The following COLEC10 variants were observed in gnomAD, a reference collection of about 807,000 sequenced individuals.
The protein encoded by COLEC10 is collectin subfamily member 10, also known as collectin-10.
A neutral mutation model predicts 28.4 loss-of-function variants in COLEC10; 22 were observed. The ratio of observed to expected loss-of-function variants is 0.78; its 90% CI spans 0.55 to 1.11. The LOEUF (loss-of-function observed/expected upper bound fraction) is 1.11, where lower values mean the gene tolerates loss of function less well. Among genes scored for constraint, COLEC10 ranks in the 50% least tolerant of loss-of-function variants. The probability of loss-of-function intolerance (pLI) is 0.00; values close to 1 mark genes in which losing one functional copy is unlikely to be tolerated. For missense variants in COLEC10, 361 were observed against 344.1 expected (o/e 1.05, Z -0.39); for synonymous variants, 125 against 116.1 (o/e 1.08, Z -0.49).
intron 1 of COLEC10, among the ~76,000 whole-genome samples, chr8:119,073,853 G>A (rs986486502): frequency 6.6e-5 from 10 of 151,692 alleles, no homozygotes; most frequent in African/African-American, 2.4e-4. Context: ...ATAGTAATAT[G>A]CATTTATATG....
chr8:119,034,423 A>T (rs1814351021), intron 2 of COLEC10, among the ~76,000 whole-genome samples: 1 of 152,068 alleles, frequency 6.6e-6, no homozygotes, highest in South Asian at 2.1e-4. Context: ...TTTAAAAAAA[A>T]AAAAAAAGGC....
chr8:119,034,437 G>A (rs1436754157), intron 2 of COLEC10, among the ~76,000 whole-genome samples: 2 of 151,770 alleles, frequency 1.3e-5, no homozygotes, highest in South Asian at 2.1e-4. Flanking sequence ...AAAAGGCCAG[G>A]TGCGGTGGCT....
At chr8:119,047,913 C>T (rs990590126) in intron 2 of COLEC10, among the ~76,000 whole-genome samples, 6 of 152,106 alleles carry the variant, frequency 3.9e-5, no homozygotes, top group African/African-American at 1.4e-4. Context: ...AACCCCCAAT[C>T]CTTGGGTACT....
chr8:119,027,808 ACTCC>A (rs1201752386), intron 2 of COLEC10, among the ~76,000 whole-genome samples: 1 of 152,016 alleles, frequency 6.6e-6, no homozygotes, highest in Non-Finnish European at 1.5e-5. Flanking sequence ...TGGAAGAATT[ACTCC>A]CTCTCTCCTC....
At chr8:119,004,815 C>A (rs971607727) in intron 1 of COLEC10, among the ~76,000 whole-genome samples, 2 of 151,760 alleles carry the variant, frequency 1.3e-5, no homozygotes, top group Non-Finnish European at 2.9e-5. Flanking sequence ...AAACTCAAAC[C>A]CAGGCCATTG....
chr8:119,022,141 A>C (rs1814109750), intron 2 of COLEC10, among the ~76,000 whole-genome samples: 1 of 152,174 alleles, frequency 6.6e-6, no homozygotes, highest in Admixed American at 6.6e-5. Context: ...TGAAAGCTGT[A>C]ACTGTCAGGA....
At chr8:118,953,160 C>G in the COLEC10 span, among the ~76,000 whole-genome samples, 1 of 152,168 alleles carries the variant, frequency 6.6e-6, no homozygotes, top group East Asian at 1.9e-4. Flanking sequence ...CTGTTCCATC[C>G]TGCAAATTAC....
At chr8:118,996,628 A>G (rs1000778131) in intron 1 of COLEC10, among the ~76,000 whole-genome samples, 2 of 152,154 alleles carry the variant, frequency 1.3e-5, no homozygotes, top group African/African-American at 2.4e-5. Context: ...GCATCTTTTC[A>G]TATACCTGTT....
chr8:119,016,553 T>C (rs1813994744), intron 2 of COLEC10, among the ~76,000 whole-genome samples: 1 of 152,146 alleles, frequency 6.6e-6, no homozygotes. Context: ...GTAATGGGAT[T>C]GCTGGGTCAA....
At chr8:118,990,387 G>A in the COLEC10 span, among the ~76,000 whole-genome samples, 18 of 152,130 alleles carry the variant, frequency 1.2e-4, no homozygotes, top group Non-Finnish European at 2.1e-4. Flanking sequence ...ACATTCATGT[G>A]TAGCTGATAC....
intron 1 of COLEC10, 74 bp downstream of exon 1, chr8:119,067,503 A>C: frequency 1.4e-6 from 2 of 1,387,298 alleles, no homozygotes; most frequent in Non-Finnish European, 2.0e-6. Flanking sequence ...CCCTTCCTAG[A>C]TTTCAATGAC....
At chr8:119,003,385 C>T (rs761834150) in intron 1 of COLEC10, among the ~76,000 whole-genome samples, 1 of 151,910 alleles carries the variant, frequency 6.6e-6, no homozygotes, top group Admixed American at 6.6e-5. Flanking sequence ...TGGTTTGGCC[C>T]CCAAATGGCA....
the COLEC10 span, among the ~76,000 whole-genome samples, chr8:118,979,721 C>T: frequency 6.6e-6 from 1 of 151,922 alleles, no homozygotes; most frequent in Non-Finnish European, 1.5e-5. Flanking sequence ...TATAAATATA[C>T]AAGAATGGAT....
intron 2 of COLEC10, among the ~76,000 whole-genome samples, chr8:119,032,570 C>T (rs1814308463): frequency 6.6e-6 from 1 of 152,142 alleles, no homozygotes; most frequent in South Asian, 2.1e-4. Flanking sequence ...GGAATGAGGA[C>T]CATCTCTGTG....
At chr8:119,024,411 T>C (rs1343057956) in intron 2 of COLEC10, among the ~76,000 whole-genome samples, 2 of 152,144 alleles carry the variant, frequency 1.3e-5, no homozygotes, top group East Asian at 3.9e-4. Flanking sequence ...AGTCCCCTTA[T>C]AAGGCATAAG....
chr8:119,097,731 A>ACTT (rs1454505133), intron 3 of COLEC10, among the ~76,000 whole-genome samples: 2 of 152,178 alleles, frequency 1.3e-5, no homozygotes, highest in African/African-American at 4.8e-5. Context: ...GGGATGTTGG[A>ACTT]CTTCAAAATT....
rs1401802819 is a variant in COLEC10, at chr8:119,107,129, A to C, written c.*938A>C. Reference sequence around the variant, plus strand: ...AAGGAGTTTGTGAAGCCTTAAGAAAATTCTGGAAGCTTCAAAGTGCTACCA... The same window carrying C: ...AAGGAGTTTGTGAAGCCTTAAGAAACTTCTGGAAGCTTCAAAGTGCTACCA... On this transcript the variant is annotated 3_prime_UTR_variant, in exon 6 of 6. Coordinates refer to ENST00000332843, the MANE Select transcript of COLEC10 (RefSeq NM_006438.5). Among the ~76,000 whole-genome samples, 1 of 152,190 alleles carries C rather than the reference A, an allele frequency of 6.6e-6. No individual in the cohort carries two copies. The highest frequency in any genetic ancestry group is 1.5e-5 in the Non-Finnish European group (1 of 68,034).
chr8:119,017,916 G>A (rs1464870528), intron 2 of COLEC10, among the ~76,000 whole-genome samples: 1 of 152,150 alleles, frequency 6.6e-6, no homozygotes, highest in East Asian at 1.9e-4. Context: ...AAGCCACCTT[G>A]AGGGAGGGCA....
intron 4 of COLEC10, among the ~76,000 whole-genome samples, chr8:119,103,145 C>G (rs1030864957): frequency 6.6e-6 from 1 of 152,096 alleles, no homozygotes; most frequent in South Asian, 2.1e-4. Flanking sequence ...TTGTAATTCC[C>G]TCTCTGTCAC....
Sources: allele counts gnomAD v4.1 joint callset (sites outside exome capture counted in the v4.1 genomes callset), GRCh38; gene constraint gnomAD v4.1.1; transcripts MANE v1.5; gene names NCBI Gene and HGNC (gene_info 2026-07-23, HGNC 2026-07-21).